The following ADAM33 variants were observed in gnomAD, a reference collection of about 807,000 sequenced individuals.
ADAM33 encodes disintegrin and metalloproteinase domain-containing protein 33.
Under a neutral mutation model 106.2 loss-of-function variants are expected in ADAM33, and 103 were observed. That is an observed-to-expected ratio of 0.97 (90% CI 0.83 to 1.14). ADAM33 has a LOEUF of 1.14. Among genes scored for constraint, ADAM33 ranks in the 50% most tolerant of loss-of-function variants. The pLI, the probability that ADAM33 is intolerant of heterozygous loss-of-function variation, is 0.00. For missense variants in ADAM33, 1,120 were observed against 1,096.6 expected, an observed-to-expected ratio of 1.02 and a Z score of -0.30; for synonymous variants, 483 against 453.0, an observed-to-expected ratio of 1.07 and a Z score of -0.84.
At position 3,669,390 on chromosome 20, in the gene ADAM33, G is replaced by A. The variant is rs1351975409; in HGVS notation, c.2333-20C>T. ...CAGGGTCTGGGAGAAATGGTGGAGG[G>A]TAAATGTTGTGAATATGGTCAGCAG... On this transcript the variant is annotated intron_variant, in intron 20 of 21. Coordinates refer to ENST00000356518, the MANE Select transcript of ADAM33 (RefSeq NM_025220.5). 1.3e-6 allele frequency: 2 copies of A among 1,597,808 alleles called. No individual in the cohort carries two copies. Among genetic ancestry groups the A allele is most frequent in the East Asian group, 2.2e-5 (1 of 44,666 alleles).
In ADAM33 at chr20:3,672,750, C is replaced by T; in HGVS notation, c.1282G>A (p.Gly428Ser). ...ALCGNGFVEA[G>S]EECDCGPGQE... Reference sequence around the variant, plus strand: ...CCAGGGCCGCAGTCACACTCCTCGCCCGCTTCCACGAAGCCGTTCCCGCAG... The same window carrying T: ...CCAGGGCCGCAGTCACACTCCTCGCTCGCTTCCACGAAGCCGTTCCCGCAG... Residue 428 changes from glycine (G) to serine (S), a missense_variant, in exon 12 of 22, where the codon GGC becomes AGC. By Grantham distance (56) the Gly-to-Ser change is moderately conservative. Coordinates refer to ENST00000356518, the MANE Select transcript of ADAM33 (RefSeq NM_025220.5). 1.3e-6 allele frequency: 2 copies of T among 1,568,428 alleles called. No homozygotes were observed. Among genetic ancestry groups the T allele is most frequent in the East Asian group, 2.3e-5 (1 of 43,610 alleles).
chr20:3,676,073 C>T (rs1056158117), intron 3 of ADAM33, among the ~76,000 whole-genome samples: 1 of 152,206 alleles, frequency 6.6e-6, no homozygotes, highest in Non-Finnish European at 1.5e-5. Flanking sequence ...GTGTCAAGTG[C>T]TCAGAACAGC....
chr20:3,675,110 G>C lies in ADAM33; in HGVS notation c.255-5C>G. Reference sequence around the variant, plus strand: ...TATCCTGGGGCCAGCAGCCTGCTGAGAGGGGGTGTTACAGGGAACACTGAA... The same window carrying C: ...TATCCTGGGGCCAGCAGCCTGCTGACAGGGGGTGTTACAGGGAACACTGAA... On this transcript the variant is annotated splice_region_variant and splice_polypyrimidine_tract_variant and intron_variant, in intron 3 of 21. Coordinates refer to ENST00000356518, the MANE Select transcript of ADAM33 (RefSeq NM_025220.5). This position sits in a 1 kb window ranked among gnomAD's most constrained non-coding sequence, Gnocchi z 4.1. 2 of 1,609,266 alleles carry C rather than the reference G, an allele frequency of 1.2e-6. No individual in the cohort carries two copies. Among genetic ancestry groups the C allele is most frequent in the Non-Finnish European group, 1.7e-6 (2 of 1,176,752 alleles).
intron 3 of ADAM33, among the ~76,000 whole-genome samples, chr20:3,676,865 G>C (rs2088010666): frequency 6.6e-6 from 1 of 152,320 alleles, no homozygotes; most frequent in Non-Finnish European, 1.5e-5. Context: ...TGGGAGGGCG[G>C]AGGTGCCCCA....
chr20:3,671,262 C>T lies in ADAM33; in HGVS notation c.2067G>A (p.Met689Ile). The change falls in exon 18 of 22, where the codon ATG becomes ATA. Residue 689 changes from methionine (M) to isoleucine (I), a missense_variant. Transcript: ENST00000356518. ...TTTCAGCCTGCACAGGGCCACTGTC[C>T]ATGCTGCCACCAAAGCCTGGCTTGT... ...FCDKPGFGGS[M>I]DSGPVQAENH... 1 of 1,613,976 alleles carries T rather than the reference C, an allele frequency of 6.2e-7. No individual in the cohort carries two copies. Among genetic ancestry groups the T allele is most frequent in the Non-Finnish European group, 8.5e-7 (1 of 1,180,004 alleles).
chr20:3,680,850 G>A (rs967567665), intron 1 of ADAM33, among the ~76,000 whole-genome samples: 1 of 152,200 alleles, frequency 6.6e-6, no homozygotes, highest in South Asian at 2.1e-4. Context: ...TGACCCCAAT[G>A]AGGGAGAGAG....
At position 3,673,590 on chromosome 20, in the gene ADAM33, G is replaced by A. The variant is rs1294247148; in HGVS notation, c.974C>T (p.Ser325Leu). Residue 325 changes from serine to leucine, a missense_variant, in exon 10 of 22, where the codon TCG (serine) becomes TTG (leucine). Physicochemically the swap from Ser to Leu is moderately radical, Grantham distance 145 (BLOSUM62 -2). Coordinates refer to ENST00000356518, the MANE Select transcript of ADAM33 (RefSeq NM_025220.5). ...PVEGMCRAES[S>L]GGVSTDHSEL... is the part of the protein sequence containing the mutation. ...GGGGCTCACCGTGCTCACGCCTCCCGAGCTCTCGGCGCGGCACATGCCCTC... is the reference window on the plus strand; with the variant it reads ...GGGGCTCACCGTGCTCACGCCTCCCAAGCTCTCGGCGCGGCACATGCCCTC... 2.9e-6 allele frequency: 4 copies of A among 1,375,786 alleles called. No homozygotes were observed. The highest frequency in any genetic ancestry group is 4.5e-4 in the Middle Eastern group (2 of 4,460). The allele number at this position is 1,375,786 out of a possible 1,614,324, so 85.2% of individuals were successfully genotyped here.
At chr20:3,669,774 C>T in intron 19 of ADAM33, 137 bp from the exon 20 acceptor site, 2 of 793,930 alleles carry the variant, frequency 2.5e-6, no homozygotes, top group Non-Finnish European at 4.3e-6. Flanking sequence ...TCCAAGTCAC[C>T]CTCTCAGCTC....
rs150692069 is a variant in ADAM33 at position 3,669,559 on chromosome 20, C to G, written c.2319G>C (p.Gln773His). ...PMELGPTATG[Q>H]PWPLDPENSH... ...TGCCTCACTCACCCAGGGGCCAGGG[C>G]TGTCCAGTGGCTGTGGGGCCCAACT... Residue 773 changes from glutamine to histidine, a missense_variant, in exon 20 of 22, where the codon CAG (glutamine) becomes CAC (histidine). Coordinates refer to ENST00000356518, the MANE Select transcript of ADAM33 (RefSeq NM_025220.5). 3 of 1,595,876 alleles carry G rather than the reference C, an allele frequency of 1.9e-6. No individual in the cohort carries two copies. The South Asian group carries it at 3.4e-5, about 18-fold the overall frequency.
Position 3,674,340 on chromosome 20 carries a change from C to T in ADAM33, c.601-56G>A, listed in dbSNP as rs560689238. ...GAAGCTGCTGGGCTTGAGCCCTGAC[C>T]ACCAATCCCAGCTCCCAGAAGGAAG... On this transcript the variant is annotated intron_variant, in intron 6 of 21. Transcript: ENST00000356518. 131 of 1,611,704 alleles carry T rather than the reference C, an allele frequency of 8.1e-5. No individual in the cohort carries two copies. The African/African-American group carries it at 1.6e-3, about 20-fold the overall frequency.
chr20:3,677,924 TG>T (rs1438265365), intron 2 of ADAM33, among the ~76,000 whole-genome samples: 1 of 152,226 alleles, frequency 6.6e-6, no homozygotes, highest in Non-Finnish European at 1.5e-5. Context: ...AGGAGCTTCC[TG>T]GGAGGCTGCT....
In ADAM33 at chr20:3,674,652, C is replaced by T. The variant is rs201035935; in HGVS notation, c.452G>A (p.Arg151His). The change falls in exon 6 of 22, where the codon CGT (arginine) becomes CAT (histidine). Residue 151 changes from arginine to histidine, a missense_variant. Arg to His is a conservative substitution (Grantham distance 29, BLOSUM62 0). Transcript: ENST00000356518. ...CTTGGAGCCCCGGGGTGGCCAGGGA[C>T]GCAGATAATAGCTGGCATTCCTGCT... ...TLSRNASYYL[R>H]PWPPRGSKDF... 201 of 1,611,988 alleles carry T rather than the reference C, an allele frequency of 1.2e-4. No individual in the cohort carries two copies. The highest frequency in any genetic ancestry group is 1.6e-4 in the Middle Eastern group (1 of 6,070).
intron 19 of ADAM33, chr20:3,670,445 C>G (rs1568795932): frequency 6.2e-6 from 1 of 160,872 alleles, no homozygotes. Context: ...TTATGTGACT[C>G]CCCACTCCGC....
chr20:3,673,081 C>G (rs2087662951), intron 11 of ADAM33, 183 bp from the exon 12 acceptor site: 1 of 1,449,990 alleles, frequency 6.9e-7, no homozygotes. Context: ...TAGTGAGCAG[C>G]CCGGGACCCA....
chr20:3,675,891 A>G lies in ADAM33; in HGVS notation c.255-786T>C, dbSNP rs1315970743. ...CTTCCCCCCTCCCAGGCATTCCACC[A>G]CCTGCCCCAGCTCTGCCCCCTACCC... On this transcript the variant is annotated intron_variant, in intron 3 of 21. Coordinates refer to ENST00000356518, the MANE Select transcript of ADAM33 (RefSeq NM_025220.5). The surrounding 1 kb of genome is among the most constrained non-coding windows in gnomAD (Gnocchi z 4.1). 6.7e-6 allele frequency among the ~76,000 whole-genome samples: 1 copy of G among 148,724 alleles called. No homozygotes were observed. Among genetic ancestry groups the G allele is most frequent in the East Asian group, 2.0e-4 (1 of 5,072 alleles).
At chr20:3,681,608 G>GACT (rs2088504152) in intron 1 of ADAM33, among the ~76,000 whole-genome samples, 1 of 152,068 alleles carries the variant, frequency 6.6e-6, no homozygotes, top group Admixed American at 6.5e-5. Context: ...TACGGCTATG[G>GACT]GCTGGGGGCT....
chr20:3,679,570 T>A lies in ADAM33; in HGVS notation c.99A>T (p.Gly33=), dbSNP rs1348827101. 1 of 1,606,902 alleles carries A rather than the reference T, an allele frequency of 6.2e-7. No individual in the cohort carries two copies. The highest frequency in any genetic ancestry group is 1.7e-5 in the Admixed American group (1 of 59,208). The change falls in exon 2 of 22, where the codon GGA becomes GGT. Residue 33 remains glycine (G), a splice_region_variant and synonymous_variant. Transcript: ENST00000356518. ...WPVPGAGVLQ[G]HIPGQPVTPH... ...GGGTGACTGGCTGCCCAGGGATATGTCCTGGAGTAAAGACAGAGCACAGGG... is the reference window on the plus strand; with the variant it reads ...GGGTGACTGGCTGCCCAGGGATATGACCTGGAGTAAAGACAGAGCACAGGG...
At chr20:3,681,419 G>A (rs1326327559) in intron 1 of ADAM33, among the ~76,000 whole-genome samples, 1 of 152,182 alleles carries the variant, frequency 6.6e-6, no homozygotes, top group African/African-American at 2.4e-5. Flanking sequence ...CAGGGTGGAG[G>A]CCACAGCTAG....
intron 1 of ADAM33, 87 bp downstream of exon 1, chr20:3,681,821 C>T: frequency 6.7e-7 from 1 of 1,490,238 alleles, no homozygotes; most frequent in Non-Finnish European, 8.9e-7. Flanking sequence ...CCTCCGCGCG[C>T]TGACCCGAGC....
Sources: gnomAD v4.1 joint callset for allele counts (sites outside exome capture counted in the v4.1 genomes callset) on GRCh38, gnomAD v4.1.1 for gene constraint, Gnocchi (gnomAD v3.1) non-coding constraint, MANE v1.5 for transcripts, NCBI Gene and HGNC (gene_info 2026-07-23, HGNC 2026-07-21) for gene names.